The following PREX1 variants were observed in gnomAD, a reference collection of about 807,000 sequenced individuals.
PREX1 encodes the protein phosphatidylinositol 3,4,5-trisphosphate-dependent Rac exchanger 1 protein.
In PREX1, 41 loss-of-function variants were observed where a neutral mutation model predicts 198.3. That is an observed-to-expected ratio of 0.21 (90% CI 0.16 to 0.27). PREX1 has a LOEUF of 0.27. Ranked by LOEUF, PREX1 falls within the 10% of genes least tolerant of loss-of-function variation. PREX1 has a pLI of 1.00. For synonymous variants in PREX1, 843 were observed against 887.2 expected (o/e 0.95, Z 0.89); for missense variants, 1,620 against 2,200.7 (o/e 0.74, Z 5.28).
chr20:48,636,825 G>T, intron 31 of PREX1, 142 bp from the exon 32 acceptor site: 1 of 715,286 alleles, frequency 1.4e-6, no homozygotes, highest in African/African-American at 1.8e-5. Context: ...CTTTTTGGTG[G>T]ACATCCCAGC....
chr20:48,749,294 G>C (rs1465536329), intron 1 of PREX1, among the ~76,000 whole-genome samples: 4 of 152,152 alleles, frequency 2.6e-5, no homozygotes, highest in Admixed American at 1.3e-4. Flanking sequence ...GGGAGCTGTG[G>C]GGCCTATCAG....
chr20:48,737,533 G>A (rs1367948609), intron 3 of PREX1, among the ~76,000 whole-genome samples: 2 of 152,144 alleles, frequency 1.3e-5, no homozygotes, highest in East Asian at 1.9e-4. Context: ...AGAGAAGGAG[G>A]AACGGAGAGG....
intron 31 of PREX1, 65 bp from the exon 32 acceptor site, chr20:48,636,748 C>T (rs917050923): frequency 5.6e-6 from 8 of 1,438,842 alleles, no homozygotes; most frequent in South Asian, 2.6e-5. Flanking sequence ...GGCCCACCCC[C>T]CAAAACCCTG....
intron 1 of PREX1, among the ~76,000 whole-genome samples, chr20:48,820,383 C>T (rs2123074136): frequency 6.6e-6 from 1 of 152,242 alleles, no homozygotes; most frequent in South Asian, 2.1e-4. Flanking sequence ...AAGCAACATC[C>T]CCAAGGTCAC....
intron 15 of PREX1, among the ~76,000 whole-genome samples, chr20:48,661,433 AAAAAAAAAAAAATATATATAT>A (rs2089590858): frequency 9.3e-6 from 1 of 107,910 alleles, no homozygotes; most frequent in South Asian, 3.1e-4. Context: ...AAAAAAAAAA[AAAAAAAAAAAAATATATATAT>A]ATATATATAT....
chr20:48,642,553 C>T (rs774724439), intron 27 of PREX1, 64 bp from the exon 28 acceptor site: 1 of 1,408,748 alleles, frequency 7.1e-7, no homozygotes, highest in East Asian at 2.3e-5. Flanking sequence ...ATCCCCAGCA[C>T]TTTCCTAAGA....
chr20:48,800,181 T>G (rs1388601534), intron 1 of PREX1, among the ~76,000 whole-genome samples: 1 of 152,204 alleles, frequency 6.6e-6, no homozygotes, highest in Non-Finnish European at 1.5e-5. Flanking sequence ...AGTGGAAAAC[T>G]GAGGCACAGA....
At chr20:48,804,262 C>A (rs1193198236) in intron 1 of PREX1, among the ~76,000 whole-genome samples, 1 of 152,220 alleles carries the variant, frequency 6.6e-6, no homozygotes, top group Non-Finnish European at 1.5e-5. Flanking sequence ...ACCCCCTGCC[C>A]TCTGGGAGCT....
chr20:48,667,113 C>G (rs1461685271), intron 14 of PREX1, among the ~76,000 whole-genome samples: 1 of 152,146 alleles, frequency 6.6e-6, no homozygotes, highest in East Asian at 1.9e-4. Context: ...GATGTGGTGG[C>G]TGGAACTCTT....
At chr20:48,795,810 T>A (rs538945647) in intron 1 of PREX1, among the ~76,000 whole-genome samples, 1 of 152,298 alleles carries the variant, frequency 6.6e-6, no homozygotes, top group South Asian at 2.1e-4. Context: ...ACGTTTACCC[T>A]CAGGGACCCA....
Position 48,827,868 on chromosome 20 carries a change from C to T in PREX1, c.-8G>A. ...GCCGCTGGGCGCCTCCATTCTAGCG[C>T]GGCCGCGCGGCGCCGGCTCCTTCCG... is the stretch of plus-strand genomic sequence containing the variant. On this transcript the variant is annotated 5_prime_UTR_variant, in exon 1 of 40. Coordinates refer to ENST00000371941, the MANE Select transcript of PREX1 (RefSeq NM_020820.4). The surrounding 1 kb of genome is among the most constrained non-coding windows in gnomAD (Gnocchi z 4.1). 1.0e-6 allele frequency: 1 copy of T among 979,708 alleles called. No individual in the cohort carries two copies. Among genetic ancestry groups the T allele is most frequent in the Non-Finnish European group, 1.2e-6 (1 of 826,872 alleles). The allele number at this position is 979,708 out of a possible 1,614,324, so 60.7% of individuals were successfully genotyped here. A position where few individuals can be genotyped will look rare whatever the true frequency, so the allele number is the denominator to read the frequency against.
intron 3 of PREX1, among the ~76,000 whole-genome samples, chr20:48,740,303 G>A (rs956497052): frequency 1.3e-5 from 2 of 152,234 alleles, no homozygotes; most frequent in Non-Finnish European, 2.9e-5. Context: ...CACAGAGACA[G>A]AGACACCCCT....
chr20:48,726,147 GAA>G (rs2090008920), intron 5 of PREX1, 141 bp downstream of exon 5: 2 of 657,284 alleles, frequency 3.0e-6, no homozygotes, highest in South Asian at 1.9e-5. Context: ...GAACGAGAGA[GAA>G]AGAGGCAGGG....
the PREX1 span, among the ~76,000 whole-genome samples, chr20:48,874,877 C>CAAA: frequency 5.4e-5 from 7 of 130,476 alleles, no homozygotes; most frequent in Admixed American, 2.4e-4. Flanking sequence ...AACTGTGTCT[C>CAAA]AAAAAAAAAA....
At chr20:48,847,989 T>C in the PREX1 span, among the ~76,000 whole-genome samples, 1 of 152,178 alleles carries the variant, frequency 6.6e-6, no homozygotes, top group Admixed American at 6.5e-5. Flanking sequence ...TAAATCACAG[T>C]GTGTTCATCC....
the PREX1 span, among the ~76,000 whole-genome samples, chr20:48,863,734 C>G: frequency 3.3e-5 from 5 of 151,862 alleles, no homozygotes; most frequent in African/African-American, 1.2e-4. Flanking sequence ...ACTACAGGCA[C>G]ACACCACCAC....
chr20:48,651,956 C>A (rs1237995177), intron 21 of PREX1, among the ~76,000 whole-genome samples: 1 of 152,288 alleles, frequency 6.6e-6, no homozygotes, highest in South Asian at 2.1e-4. Flanking sequence ...GGAGCTGAAA[C>A]GGGCAAGGAA....
At chr20:48,705,387 A>G (rs1006452986) in intron 6 of PREX1, among the ~76,000 whole-genome samples, 3 of 152,236 alleles carry the variant, frequency 2.0e-5, no homozygotes, top group Admixed American at 6.5e-5. Context: ...GATCAAATTC[A>G]TGAATGATGC....
intron 29 of PREX1, among the ~76,000 whole-genome samples, chr20:48,641,944 G>C (rs971659202): frequency 3.2e-5 from 4 of 124,752 alleles, no homozygotes; most frequent in African/African-American, 1.2e-4. Flanking sequence ...GAGGGGAGGG[G>C]AAGGGGAAAG....
Sources: allele counts gnomAD v4.1 joint callset (sites outside exome capture counted in the v4.1 genomes callset), GRCh38; gene constraint gnomAD v4.1.1; non-coding constraint Gnocchi (gnomAD v3.1); transcripts MANE v1.5; gene names NCBI Gene and HGNC (gene_info 2026-07-23, HGNC 2026-07-21).